Variants in GRM8 observed in about 807,000 individuals in gnomAD.
GRM8 encodes the protein metabotropic glutamate receptor 8.
Under a neutral mutation model 87.2 loss-of-function variants are expected in GRM8, and 47 were observed. That is an observed-to-expected ratio of 0.54 (90% CI 0.43 to 0.69). GRM8 has a LOEUF of 0.69. GRM8 is among the 30% of genes least tolerant of loss of function. GRM8 has a pLI of 0.00. For synonymous variants in GRM8, 396 were observed against 404.5 expected, an observed-to-expected ratio of 0.98 and a Z score of 0.25; for missense variants, 1,019 against 1,139.2, an observed-to-expected ratio of 0.89 and a Z score of 1.52.
intron 6 of GRM8, among the ~76,000 whole-genome samples, chr7:126,887,557 TATC>T (rs1298531294): frequency 6.6e-6 from 1 of 152,052 alleles, no homozygotes; most frequent in East Asian, 1.9e-4. Flanking sequence ...TATATCAAAT[TATC>T]ATCATCATCA....
intron 3 of GRM8, among the ~76,000 whole-genome samples, chr7:126,966,576 T>C (rs780553202): frequency 6.6e-6 from 1 of 152,192 alleles, no homozygotes; most frequent in Non-Finnish European, 1.5e-5. Flanking sequence ...GAGAGAAATA[T>C]ATATAAAGTG....
intron 3 of GRM8, among the ~76,000 whole-genome samples, chr7:126,950,500 T>C (rs567584109): frequency 6.6e-6 from 1 of 152,276 alleles, no homozygotes; most frequent in South Asian, 2.1e-4. Flanking sequence ...TATTTCTCTC[T>C]CTCTCTCAGT....
At chr7:127,205,635 G>A (rs560922258) in intron 2 of GRM8, among the ~76,000 whole-genome samples, 1 of 152,120 alleles carries the variant, frequency 6.6e-6, no homozygotes, top group African/African-American at 2.4e-5. Context: ...CCACTGGAAG[G>A]GTCCAGGGTA....
chr7:126,459,416 C>T (rs1201383740), intron 9 of GRM8, among the ~76,000 whole-genome samples: 3 of 151,262 alleles, frequency 2.0e-5, no homozygotes, highest in Non-Finnish European at 4.4e-5. Context: ...AAGTATTCAC[C>T]CCCAGCTCCT....
At chr7:127,096,252 T>A (rs1176954207) in intron 3 of GRM8, among the ~76,000 whole-genome samples, 2 of 151,934 alleles carry the variant, frequency 1.3e-5, no homozygotes, top group Non-Finnish European at 2.9e-5. Flanking sequence ...CTGGTGTAGA[T>A]GGGCTCCTTA....
At chr7:127,112,315 T>C (rs1314492870) in intron 2 of GRM8, 1 of 152,230 alleles carries the variant, frequency 6.6e-6, no homozygotes, top group Non-Finnish European at 1.5e-5. Flanking sequence ...CCATCTAGTG[T>C]TGTCTCCTCA....
intron 6 of GRM8, among the ~76,000 whole-genome samples, chr7:126,770,965 A>G (rs1260902193): frequency 6.6e-6 from 1 of 152,040 alleles, no homozygotes; most frequent in Non-Finnish European, 1.5e-5. Context: ...GGTAGATGGC[A>G]AGAATGTTGG....
At chr7:126,816,328 G>A (rs918937245) in intron 6 of GRM8, among the ~76,000 whole-genome samples, 2 of 152,102 alleles carry the variant, frequency 1.3e-5, no homozygotes, top group African/African-American at 4.8e-5. Context: ...TCTGAAAAGT[G>A]CAAGTGATGG....
intron 3 of GRM8, among the ~76,000 whole-genome samples, chr7:127,092,092 T>TCCCCCGTTCCACTGGTCATC (rs1319645085): frequency 7.1e-6 from 1 of 141,602 alleles, no homozygotes. Context: ...CACTGGTCAT[T>TCCCCCGTTCCACTGGTCATC]CCCCCGTTCC....
intron 7 of GRM8, among the ~76,000 whole-genome samples, chr7:126,699,297 T>C (rs1809686996): frequency 6.6e-6 from 1 of 152,222 alleles, no homozygotes; most frequent in South Asian, 2.1e-4. Flanking sequence ...ATTATTTCCC[T>C]CAATTGTAAC....
At chr7:126,704,810 G>T (rs1267829826) in intron 7 of GRM8, among the ~76,000 whole-genome samples, 1 of 152,096 alleles carries the variant, frequency 6.6e-6, no homozygotes, top group African/African-American at 2.4e-5. Context: ...CTGATAAGAT[G>T]TTATCAATGA....
intron 8 of GRM8, among the ~76,000 whole-genome samples, chr7:126,593,163 T>C (rs1796852423): frequency 6.6e-6 from 1 of 152,014 alleles, no homozygotes; most frequent in Non-Finnish European, 1.5e-5. Context: ...AAAGTTGATA[T>C]TGTTAAAATG....
At chr7:127,221,942 A>C (rs1428292403) in intron 2 of GRM8, among the ~76,000 whole-genome samples, 1 of 152,216 alleles carries the variant, frequency 6.6e-6, no homozygotes, top group Non-Finnish European at 1.5e-5. Flanking sequence ...GATCTGAAAG[A>C]AACTCTGAAG....
intron 6 of GRM8, among the ~76,000 whole-genome samples, chr7:126,842,473 A>G (rs556162546): frequency 6.6e-6 from 1 of 152,380 alleles, no homozygotes; most frequent in Admixed American, 6.5e-5. Flanking sequence ...AGGCAGACTA[A>G]TGCCTGCCAC....
intron 8 of GRM8, among the ~76,000 whole-genome samples, chr7:126,596,802 G>A (rs1280628917): frequency 6.6e-6 from 1 of 152,104 alleles, no homozygotes; most frequent in Non-Finnish European, 1.5e-5. Flanking sequence ...TTATATAAAT[G>A]TCAATATCCT....
chr7:127,060,402 A>G (rs1192418857), intron 3 of GRM8, among the ~76,000 whole-genome samples: 2 of 152,168 alleles, frequency 1.3e-5, no homozygotes, highest in African/African-American at 4.8e-5. Flanking sequence ...AAGACATGCA[A>G]TAAGTAATAA....
chr7:127,223,645 G>A (rs113471625), intron 2 of GRM8, among the ~76,000 whole-genome samples: 2,830 of 152,098 alleles, frequency 0.019, 103 homozygotes, highest in African/African-American at 0.064. Flanking sequence ...AGGTGTCAGA[G>A]GAGGCTGGTG....
intron 6 of GRM8, among the ~76,000 whole-genome samples, chr7:126,804,186 TCACCAGCC>T (rs1792404187): frequency 6.6e-6 from 1 of 152,240 alleles, no homozygotes; most frequent in South Asian, 2.1e-4. Flanking sequence ...TTGGCCTGAT[TCACCAGCC>T]CCTTGGCTTT....
At chr7:126,930,112 AGCCC>A (rs1159236527) in intron 3 of GRM8, among the ~76,000 whole-genome samples, 3 of 152,190 alleles carry the variant, frequency 2.0e-5, no homozygotes, top group African/African-American at 7.2e-5. Context: ...CATGGAGCAA[AGCCC>A]TTACTGAGCT....
Sources: allele counts gnomAD v4.1 joint callset (sites outside exome capture counted in the v4.1 genomes callset), GRCh38; gene constraint gnomAD v4.1.1; transcripts MANE v1.5; gene names NCBI Gene and HGNC (gene_info 2026-07-23, HGNC 2026-07-21).